Variants in SGK1 observed in about 807,000 individuals in gnomAD.
SGK1 encodes the protein serine/threonine-protein kinase Sgk1.
Under a neutral mutation model 64.2 loss-of-function variants are expected in SGK1, and 26 were observed. That is an observed-to-expected ratio of 0.40 (90% CI 0.30 to 0.56). The LOEUF (loss-of-function observed/expected upper bound fraction) is 0.56. Among genes scored for constraint, SGK1 ranks in the 20% least tolerant of loss-of-function variants. The pLI is 0.38. For synonymous variants in SGK1, 265 were observed against 239.7 expected (o/e 1.11, Z -0.98); for missense variants, 519 against 645.6 (o/e 0.80, Z 2.12).
At chr6:134,204,416 A>G (rs997654933) in intron 3 of SGK1, among the ~76,000 whole-genome samples, 8 of 147,026 alleles carry the variant, frequency 5.4e-5, no homozygotes, top group Non-Finnish European at 1.0e-4. Flanking sequence ...AAAAATGAGT[A>G]TGTCTATTGC....
Position 134,317,539 on chromosome 6 carries a change from C to T in SGK1, c.-79G>A, listed in dbSNP as rs1777705216. 3 of 863,154 alleles carry T rather than the reference C, an allele frequency of 3.5e-6. No homozygotes were observed. Among genetic ancestry groups the T allele is most frequent in the Admixed American group, 3.4e-5 (2 of 58,626 alleles). The allele number at this position is 863,154 out of a possible 1,614,324, so 53.5% of individuals were successfully genotyped here. On this transcript the variant is annotated 5_prime_UTR_variant, in exon 1 of 14. Transcript: ENST00000367858. ...AGTGCATATCTGTTTCCCCGGTTTACCTCCTGCAGACAGTTAATGAAGACT... is the reference window on the plus strand; with the variant it reads ...AGTGCATATCTGTTTCCCCGGTTTATCTCCTGCAGACAGTTAATGAAGACT...
intron 3 of SGK1, among the ~76,000 whole-genome samples, chr6:134,205,830 C>CTATTTCATTAGACA (rs1582709339): frequency 6.6e-6 from 1 of 152,156 alleles, no homozygotes; most frequent in African/African-American, 2.4e-5. Context: ...CGTGAGTTTT[C>CTATTTCATTAGACA]TATTTCATTA....
intron 1 of SGK1, among the ~76,000 whole-genome samples, chr6:134,292,429 CTAA>C (rs1355806881): frequency 6.6e-6 from 1 of 152,106 alleles, no homozygotes; most frequent in Non-Finnish European, 1.5e-5. Flanking sequence ...CCCGTCTCTG[CTAA>C]AAATACAAAA....
chr6:134,240,816 G>A (rs980672798), intron 2 of SGK1, among the ~76,000 whole-genome samples: 1 of 152,162 alleles, frequency 6.6e-6, no homozygotes, highest in East Asian at 1.9e-4. Flanking sequence ...GTGTCTTCGA[G>A]GTTAGTAGAT....
At chr6:134,292,460 G>A (rs1777282140) in intron 1 of SGK1, among the ~76,000 whole-genome samples, 1 of 152,160 alleles carries the variant, frequency 6.6e-6, no homozygotes, top group Admixed American at 6.5e-5. Flanking sequence ...GGGGGTGGTG[G>A]CTGGCGCCTG....
chr6:134,185,563 TGTG>T (rs1374558902), intron 3 of SGK1, among the ~76,000 whole-genome samples: 9 of 151,228 alleles, frequency 6.0e-5, no homozygotes, highest in African/African-American at 2.2e-4. Flanking sequence ...TGAGTGTGTG[TGTG>T]TGTGTGTGTG....
chr6:134,238,631 C>T (rs1388042449), intron 2 of SGK1, among the ~76,000 whole-genome samples: 4 of 151,538 alleles, frequency 2.6e-5, no homozygotes, highest in Admixed American at 6.6e-5. Context: ...AAGATGGTTC[C>T]AACATACAAG....
Position 134,300,632 on chromosome 6 carries a change from G to GTTT in SGK1, c.69+16757_69+16759dup, listed in dbSNP as rs775160946. Among the ~76,000 whole-genome samples, 169 of 120,838 alleles carry GTTT rather than the reference G, an allele frequency of 1.4e-3. 3 individuals carry two copies. Among genetic ancestry groups the GTTT allele is most frequent in the East Asian group, 0.01 (35 of 3,380 alleles). 79.3% of individuals were successfully genotyped at this position (120,838 alleles called of 152,430 possible). ...GAAAGGAGTTAAAAATAAATGTTTG[G>GTTT]TTTTTTTTTTTTTTTTTGGAGATGG... On this transcript the variant is annotated intron_variant, in intron 1 of 13. Coordinates refer to ENST00000367858, the MANE Select transcript of SGK1 (RefSeq NM_001143676.3).
At chr6:134,190,125 C>T (rs1308009134) in intron 3 of SGK1, among the ~76,000 whole-genome samples, 1 of 152,140 alleles carries the variant, frequency 6.6e-6, no homozygotes, top group African/African-American at 2.4e-5. Flanking sequence ...GCTGGAATTA[C>T]AGGCGTGAGC....
chr6:134,192,064 C>T (rs1157924122), intron 3 of SGK1, among the ~76,000 whole-genome samples: 1 of 151,774 alleles, frequency 6.6e-6, no homozygotes, highest in African/African-American at 2.4e-5. Context: ...CTCCTGACCT[C>T]GTGATCCGCC....
chr6:134,312,876 G>A (rs76983320), intron 1 of SGK1, among the ~76,000 whole-genome samples: 2,302 of 152,112 alleles, frequency 0.015, 75 homozygotes, highest in African/African-American at 0.05. Context: ...TGGTTCAAGC[G>A]ATTCTCCTGC....
Position 134,173,535 on chromosome 6 carries a change from G to C in SGK1, c.545C>G (p.Pro182Arg), listed in dbSNP as rs764600523. 9.3e-6 allele frequency: 15 copies of C among 1,610,758 alleles called. No individual in the cohort carries two copies. Among genetic ancestry groups the C allele is most frequent in the Non-Finnish European group, 9.3e-6 (11 of 1,179,142 alleles). ...PSPSQQINLG[P>R]SSNPHAKPSD... Reference sequence around the variant, plus strand: ...TGGTTTAGCATGAGGATTGGACGACGGGCCAAGGTTGATTTGCTGAGAAGG... The same window carrying C: ...TGGTTTAGCATGAGGATTGGACGACCGGCCAAGGTTGATTTGCTGAGAAGG... Residue 182 changes from proline to arginine, a missense_variant, in exon 6 of 14, where the codon CCG becomes CGG. Physicochemically the swap from Pro to Arg is moderately radical, Grantham distance 103. Coordinates refer to ENST00000367858, the MANE Select transcript of SGK1 (RefSeq NM_001143676.3).
intron 1 of SGK1, among the ~76,000 whole-genome samples, chr6:134,282,012 C>A (rs184757070): frequency 2.4e-4 from 37 of 152,170 alleles, no homozygotes; most frequent in Middle Eastern, 3.4e-3. Flanking sequence ...TTTAAATTCC[C>A]TCTAAGCCTT....
intron 1 of SGK1, among the ~76,000 whole-genome samples, chr6:134,266,309 T>C (rs1006915447): frequency 3.3e-5 from 5 of 151,794 alleles, no homozygotes; most frequent in African/African-American, 1.2e-4. Context: ...TCAATAGCCA[T>C]TTAAAATATC....
At chr6:134,245,894 T>C (rs1776517671) in intron 2 of SGK1, among the ~76,000 whole-genome samples, 1 of 152,198 alleles carries the variant, frequency 6.6e-6, no homozygotes, top group Non-Finnish European at 1.5e-5. Flanking sequence ...GTACCTTGAC[T>C]TGTTCTCACT....
intron 2 of SGK1, among the ~76,000 whole-genome samples, chr6:134,214,323 G>A (rs140007882): frequency 4.2e-4 from 64 of 152,176 alleles, no homozygotes; most frequent in African/African-American, 1.4e-3. Context: ...TAAAATTAAG[G>A]CTCACGCCTG....
At chr6:134,171,338 T>G in intron 11 of SGK1, 160 bp from the exon 12 acceptor site, 1 of 715,188 alleles carries the variant, frequency 1.4e-6, no homozygotes, top group Admixed American at 2.7e-5. Flanking sequence ...AAGTGTCTAC[T>G]TTGCAACCCG....
chr6:134,274,030 G>A (rs1487282185), intron 1 of SGK1, among the ~76,000 whole-genome samples: 1 of 151,474 alleles, frequency 6.6e-6, no homozygotes, highest in African/African-American at 2.4e-5. Flanking sequence ...TTGAGACAGA[G>A]TCTCACTCTG....
chr6:134,209,424 C>A (rs11154759), intron 2 of SGK1, among the ~76,000 whole-genome samples: 136,934 of 152,192 alleles, frequency 0.9, 62,077 homozygotes, highest in East Asian at 1. Context: ...ACAAAGCGAG[C>A]CTCTGTCTCA....
Sources: allele counts gnomAD v4.1 joint callset (sites outside exome capture counted in the v4.1 genomes callset), GRCh38; gene constraint gnomAD v4.1.1; transcripts MANE v1.5; gene names NCBI Gene and HGNC (gene_info 2026-07-23, HGNC 2026-07-21).